The following TENM4 variants were observed in gnomAD, a reference collection of about 807,000 sequenced individuals.
TENM4 encodes the protein teneurin-4.
Under a neutral mutation model 243.3 loss-of-function variants are expected in TENM4, and 82 were observed. The observed-to-expected ratio is 0.34, with a 90% CI of 0.28 to 0.40. The LOEUF (loss-of-function observed/expected upper bound fraction) is 0.40. Ranked by LOEUF, TENM4 falls within the 10% of genes least tolerant of loss-of-function variation. The pLI is 1.00. For synonymous variants in TENM4, 1,412 were observed against 1,456.3 expected, an observed-to-expected ratio of 0.97 and a Z score of 0.69; for missense variants, 3,138 against 3,673.3, an observed-to-expected ratio of 0.85 and a Z score of 3.77.
intron 2 of TENM4, among the ~76,000 whole-genome samples, chr11:79,216,532 T>C (rs1405549516): frequency 1.3e-5 from 2 of 152,160 alleles, no homozygotes; most frequent in Non-Finnish European, 2.9e-5. Context: ...AATGTGGTAG[T>C]GTTGGGAGGT....
intron 2 of TENM4, among the ~76,000 whole-genome samples, chr11:79,216,996 T>A (rs1411838023): frequency 6.6e-6 from 1 of 151,906 alleles, no homozygotes; most frequent in Non-Finnish European, 1.5e-5. Context: ...GGCTAATGAC[T>A]TCCCCCCTCT....
At chr11:79,371,038 A>G (rs1353442758) in intron 1 of TENM4, among the ~76,000 whole-genome samples, 1 of 152,210 alleles carries the variant, frequency 6.6e-6, no homozygotes, top group Non-Finnish European at 1.5e-5. Context: ...CAACAAATGT[A>G]TGTAAATACT....
In TENM4 at chr11:78,805,277, T is replaced by TGCCCCCCCCACCCCCCCCC; in HGVS notation, c.2179+14_2179+15insGGGGGGGGGTGGGGGGGGC. Reference sequence around the variant, plus strand: ...CCCCTCCCTCTACCCATGCTTCTTCTCCCCCTGCATTTACCGATAGAACAG... The same window carrying TGCCCCCCCCACCCCCCCCC: ...CCCCTCCCTCTACCCATGCTTCTTCTGCCCCCCCCACCCCCCCCCCCCCCTGCATTTACCGATAGAACAG... On this transcript the variant is annotated intron_variant, in intron 15 of 33. Coordinates refer to ENST00000278550, the MANE Select transcript of TENM4 (RefSeq NM_001098816.3). 2 of 1,402,550 alleles carry TGCCCCCCCCACCCCCCCCC rather than the reference T, an allele frequency of 1.4e-6. No homozygotes were observed. The highest frequency in any genetic ancestry group is 1.9e-6 in the Non-Finnish European group (2 of 1,033,116). 86.9% of individuals were successfully genotyped at this position (1,402,550 alleles called of 1,614,324 possible). A position where few individuals can be genotyped will look rare whatever the true frequency, so the allele number is the denominator to read the frequency against.
At chr11:79,082,134 A>C (rs1022816935) in intron 4 of TENM4, among the ~76,000 whole-genome samples, 1 of 152,166 alleles carries the variant, frequency 6.6e-6, no homozygotes, top group Non-Finnish European at 1.5e-5. Context: ...AAAGTGAATA[A>C]AAATATACAA....
intron 12 of TENM4, among the ~76,000 whole-genome samples, chr11:78,833,960 A>G (rs1230444961): frequency 2.0e-5 from 3 of 152,166 alleles, no homozygotes; most frequent in African/African-American, 7.2e-5. Flanking sequence ...GGGAGCTTTC[A>G]GGAAGATGAG....
intron 4 of TENM4, among the ~76,000 whole-genome samples, chr11:79,106,788 T>C (rs1861380532): frequency 6.6e-6 from 1 of 152,190 alleles, no homozygotes; most frequent in South Asian, 2.1e-4. Flanking sequence ...CATCTTCTGC[T>C]TTTTCTACAA....
At chr11:78,781,705 A>T (rs1057094080) in intron 16 of TENM4, among the ~76,000 whole-genome samples, 2 of 150,828 alleles carry the variant, frequency 1.3e-5, no homozygotes, top group Non-Finnish European at 3.0e-5. Context: ...TCATTGGTAC[A>T]TGTTAGGCCA....
At chr11:78,791,573 G>A (rs1352132241) in intron 15 of TENM4, among the ~76,000 whole-genome samples, 1 of 152,168 alleles carries the variant, frequency 6.6e-6, no homozygotes, top group Non-Finnish European at 1.5e-5. Flanking sequence ...CCCCACAGTG[G>A]GCACTGGAGA....
intron 6 of TENM4, among the ~76,000 whole-genome samples, chr11:78,908,587 C>A (rs1320358261): frequency 6.6e-6 from 1 of 152,242 alleles, no homozygotes; most frequent in Non-Finnish European, 1.5e-5. Context: ...CCACTCTGGA[C>A]AACCTGCTGG....
At chr11:78,844,967 C>A (rs1565403425) in intron 12 of TENM4, among the ~76,000 whole-genome samples, 1 of 152,114 alleles carries the variant, frequency 6.6e-6, no homozygotes, top group African/African-American at 2.4e-5. Context: ...CTGCTCTGGC[C>A]CCAAGTTGTT....
chr11:78,777,356 A>C (rs1856758239), intron 17 of TENM4, among the ~76,000 whole-genome samples: 1 of 152,184 alleles, frequency 6.6e-6, no homozygotes, highest in Non-Finnish European at 1.5e-5. Flanking sequence ...CTAGCTGAAA[A>C]GCATTTAGTC....
At chr11:78,727,224 G>A (rs185398007) in intron 22 of TENM4, among the ~76,000 whole-genome samples, 160 of 152,148 alleles carry the variant, frequency 1.1e-3, no homozygotes, top group African/African-American at 3.6e-3. Flanking sequence ...CGAGGCGGGC[G>A]GATCACGAGG....
At chr11:79,286,562 G>A (rs1260449274) in intron 2 of TENM4, among the ~76,000 whole-genome samples, 1 of 151,942 alleles carries the variant, frequency 6.6e-6, no homozygotes. Context: ...CCAGCTGCTT[G>A]GGAGGCTGAG....
At chr11:78,720,517 C>G (rs1247388582) in intron 24 of TENM4, 127 bp from the exon 25 acceptor site, 1 of 940,450 alleles carries the variant, frequency 1.1e-6, no homozygotes, top group African/African-American at 1.6e-5. Context: ...TAAATAAAGA[C>G]TTAGCAGCTG....
intron 6 of TENM4, among the ~76,000 whole-genome samples, chr11:78,987,853 C>G (rs1591185682): frequency 6.6e-6 from 1 of 150,750 alleles, no homozygotes; most frequent in East Asian, 1.9e-4. Flanking sequence ...GATGAAGAAA[C>G]TGACGGTAAG....
At chr11:79,028,840 A>T (rs1859153164) in intron 6 of TENM4, among the ~76,000 whole-genome samples, 1 of 152,190 alleles carries the variant, frequency 6.6e-6, no homozygotes, top group Non-Finnish European at 1.5e-5. Flanking sequence ...ACTAGTTAAC[A>T]TGCAATTTTT....
intron 10 of TENM4, among the ~76,000 whole-genome samples, chr11:78,861,930 G>C (rs925727542): frequency 3.3e-5 from 5 of 152,168 alleles, no homozygotes; most frequent in Middle Eastern, 3.2e-3. Flanking sequence ...AACCAGGCTG[G>C]GTTATTAGCT....
chr11:79,017,530 C>CA (rs537378935), intron 6 of TENM4, among the ~76,000 whole-genome samples: 2 of 151,094 alleles, frequency 1.3e-5, no homozygotes, highest in Non-Finnish European at 3.0e-5. Flanking sequence ...AGAGGATACA[C>CA]AAAAAAACAA....
intron 2 of TENM4, among the ~76,000 whole-genome samples, chr11:79,271,114 T>C (rs772431483): frequency 2.0e-5 from 3 of 152,098 alleles, no homozygotes; most frequent in Non-Finnish European, 4.4e-5. Flanking sequence ...TTAGTCAGTC[T>C]GGGGGTAAAA....
Sources: gnomAD v4.1 joint callset for allele counts (sites outside exome capture counted in the v4.1 genomes callset) on GRCh38, gnomAD v4.1.1 for gene constraint, MANE v1.5 for transcripts, NCBI Gene and HGNC (gene_info 2026-07-23, HGNC 2026-07-21) for gene names.